The following COBLL1 variants were observed in gnomAD, a reference collection of about 807,000 sequenced individuals.
COBLL1 encodes the protein cordon-bleu protein-like 1.
In COBLL1, 50 loss-of-function variants were observed where a neutral mutation model predicts 94.8. The observed-to-expected ratio is 0.53, with a 90% CI of 0.42 to 0.67. The LOEUF is 0.67. Ranked by LOEUF, COBLL1 falls within the 30% of genes least tolerant of loss-of-function variation. COBLL1 has a pLI of 0.00. For synonymous variants in COBLL1, 448 were observed against 473.8 expected, an observed-to-expected ratio of 0.95 and a Z score of 0.71; for missense variants, 1,362 against 1,348.7, an observed-to-expected ratio of 1.01 and a Z score of -0.15.
At chr2:164,803,668 C>T (rs1683941525) in intron 2 of COBLL1, among the ~76,000 whole-genome samples, 1 of 152,092 alleles carries the variant, frequency 6.6e-6, no homozygotes, top group Non-Finnish European at 1.5e-5. Context: ...GATAAGTAGG[C>T]TTATGATATC....
At chr2:164,704,267 T>C (rs1318081242) in intron 9 of COBLL1, among the ~76,000 whole-genome samples, 177 bp downstream of exon 9, 2 of 152,158 alleles carry the variant, frequency 1.3e-5, no homozygotes, top group African/African-American at 2.4e-5. Flanking sequence ...CATACTCTAA[T>C]TGGGTTGAGG....
chr2:164,753,267 T>C (rs1395327928), intron 2 of COBLL1, among the ~76,000 whole-genome samples: 3 of 152,118 alleles, frequency 2.0e-5, no homozygotes, highest in Non-Finnish European at 1.5e-5. Context: ...TGTTTCAGTC[T>C]CCCACACTCA....
At chr2:164,776,865 G>GA (rs1688489249) in intron 2 of COBLL1, among the ~76,000 whole-genome samples, 2 of 151,536 alleles carry the variant, frequency 1.3e-5, no homozygotes, top group African/African-American at 2.4e-5. Context: ...TTAGCCCTTG[G>GA]AAAAAAACAC....
intron 2 of COBLL1, among the ~76,000 whole-genome samples, chr2:164,751,776 C>T (rs77001347): frequency 7.2e-4 from 110 of 152,142 alleles, no homozygotes; most frequent in Non-Finnish European, 1.4e-3. Context: ...GATCTCAATC[C>T]TCAGGAAGTT....
rs1278184954 is a variant in COBLL1, at chr2:164,695,791, T to G, written c.1601A>C (p.Asn534Thr). 6.2e-7 allele frequency: 1 copy of G among 1,609,742 alleles called. No individual in the cohort carries two copies. Among genetic ancestry groups the G allele is most frequent in the East Asian group, 2.2e-5 (1 of 44,830 alleles). ...IIVYPENTED[N>T]MKNGVKKTEI... is the part of the protein sequence containing the mutation. ...TGTTTTCTTCACTCCATTTTTCATATTGTCTTCTGTGTTCTCTGGATAGAC... is the reference window on the plus strand; with the variant it reads ...TGTTTTCTTCACTCCATTTTTCATAGTGTCTTCTGTGTTCTCTGGATAGAC... The change falls in exon 12 of 14, where the codon AAT becomes ACT. Residue 534 changes from asparagine (N) to threonine (T), a missense_variant. Physicochemically the swap from Asn to Thr is moderately conservative, Grantham distance 65. Transcript: ENST00000652658.
intron 2 of COBLL1, among the ~76,000 whole-genome samples, chr2:164,790,151 T>C (rs1182843073): frequency 6.6e-6 from 1 of 152,210 alleles, no homozygotes; most frequent in Non-Finnish European, 1.5e-5. Flanking sequence ...TTACGCCTCA[T>C]GTCTGCATGG....
chr2:164,799,488 C>T (rs1014614547), intron 2 of COBLL1, among the ~76,000 whole-genome samples: 1 of 152,162 alleles, frequency 6.6e-6, no homozygotes, highest in African/African-American at 2.4e-5. Context: ...GAGGCATATC[C>T]TGTTCATGGA....
chr2:164,706,498 G>A (rs377742304), intron 7 of COBLL1, among the ~76,000 whole-genome samples: 3 of 152,042 alleles, frequency 2.0e-5, no homozygotes, highest in Non-Finnish European at 4.4e-5. Context: ...TCTCTATCTT[G>A]GACCTCTGTT....
chr2:164,832,192 C>T (rs879512068), intron 2 of COBLL1, among the ~76,000 whole-genome samples: 1 of 152,154 alleles, frequency 6.6e-6, no homozygotes, highest in Non-Finnish European at 1.5e-5. Flanking sequence ...CAAGGAATGT[C>T]GATAAATGTC....
chr2:164,718,561 G>C (rs1391609037), intron 7 of COBLL1, among the ~76,000 whole-genome samples: 3 of 152,206 alleles, frequency 2.0e-5, no homozygotes. Flanking sequence ...ACTGTTAACA[G>C]TGGTTGCCTC....
intron 3 of COBLL1, among the ~76,000 whole-genome samples, chr2:164,739,646 C>T (rs1686493065): frequency 6.6e-6 from 1 of 152,196 alleles, no homozygotes; most frequent in African/African-American, 2.4e-5. Context: ...TTCAGAGTTA[C>T]ATATAGAACT....
At chr2:164,661,071 C>T (rs1691063020) in intron 2 of COBLL1, among the ~76,000 whole-genome samples, 3 of 152,086 alleles carry the variant, frequency 2.0e-5, no homozygotes, top group South Asian at 4.1e-4. Context: ...AAATTGAACT[C>T]CTTTCTTAAA....
At chr2:164,697,607 G>C (rs932878042) in intron 11 of COBLL1, 1 of 152,076 alleles carries the variant, frequency 6.6e-6, no homozygotes, top group African/African-American at 2.4e-5. Flanking sequence ...CCAAAAGAAA[G>C]AAAGTCAATG....
chr2:164,669,172 G>A (rs900935837), intron 1 of COBLL1, among the ~76,000 whole-genome samples: 1 of 152,136 alleles, frequency 6.6e-6, no homozygotes. Context: ...TGAACTCAGA[G>A]AGCATAGGAT....
rs531845303 is a variant in COBLL1, at chr2:164,695,078, T to C, written c.2314A>G (p.Asn772Asp). The C allele has an allele frequency of 1.9e-4, 307 of 1,613,896 alleles. 3 individuals are homozygous for C. The South Asian group carries it at 3.3e-3, about 17-fold the overall frequency. ...GTTTGGATGGCAGTTTCTTTCACAT[T>C]CTCATGAGTGTGCTTTTTCCCTAAA... Reference protein sequence around the residue: ...HALGKKHTHENVKETAIQTED... With the variant: ...HALGKKHTHEDVKETAIQTED... The change falls in exon 12 of 14, where the codon AAT becomes GAT. Residue 772 changes from asparagine to aspartate, a missense_variant. Physicochemically the swap from Asn to Asp is conservative, Grantham distance 23. Transcript: ENST00000652658.
intron 3 of COBLL1, among the ~76,000 whole-genome samples, chr2:164,735,889 T>C (rs1015250401): frequency 6.6e-6 from 1 of 152,132 alleles, no homozygotes; most frequent in Non-Finnish European, 1.5e-5. Context: ...AGGCAAATCA[T>C]TAAAAGTGGA....
chr2:164,701,710 C>T (rs1006779544), intron 9 of COBLL1, among the ~76,000 whole-genome samples: 6 of 151,234 alleles, frequency 4.0e-5, no homozygotes, highest in South Asian at 4.2e-4. Flanking sequence ...CAGTAGCCAG[C>T]AGGGTAAAAG....
chr2:164,721,048 A>G (rs1473000409), intron 7 of COBLL1, among the ~76,000 whole-genome samples: 1 of 152,234 alleles, frequency 6.6e-6, no homozygotes, highest in Non-Finnish European at 1.5e-5. Flanking sequence ...ATTCATTTCT[A>G]TCTCTTTGAG....
At chr2:164,722,633 A>C in intron 5 of COBLL1, 111 bp from the exon 6 acceptor site, 1 of 555,974 alleles carries the variant, frequency 1.8e-6, no homozygotes, top group Non-Finnish European at 3.2e-6. Context: ...AAAAGCTACT[A>C]ATTATAGTCT....
Sources: allele counts gnomAD v4.1 joint callset (sites outside exome capture counted in the v4.1 genomes callset), GRCh38; gene constraint gnomAD v4.1.1; transcripts MANE v1.5; gene names NCBI Gene and HGNC (gene_info 2026-07-23, HGNC 2026-07-21).